The following ITGB3 variants were observed in gnomAD, a reference collection of about 807,000 sequenced individuals.
The protein encoded by ITGB3 is integrin beta-3.
ITGB3 carries 48 observed loss-of-function variants against 85.8 expected under a neutral mutation model. That is an observed-to-expected ratio of 0.56 (90% CI 0.44 to 0.71). The LOEUF (loss-of-function observed/expected upper bound fraction) is 0.71. Ranked by LOEUF, ITGB3 falls within the 30% of genes least tolerant of loss-of-function variation. The probability of loss-of-function intolerance (pLI) is 0.00; values close to 1 mark genes in which losing one functional copy is unlikely to be tolerated. For missense variants in ITGB3, 861 were observed against 1,019.1 expected (o/e 0.84, Z 2.11); for synonymous variants, 363 against 395.6 (o/e 0.92, Z 0.98).
intron 8 of ITGB3, among the ~76,000 whole-genome samples, chr17:47,290,655 G>A (rs1046074819): frequency 2.0e-5 from 3 of 152,170 alleles, no homozygotes; most frequent in South Asian, 2.1e-4. Context: ...TTTCCAAGGT[G>A]ACCAGTATTG....
intron 10 of ITGB3, among the ~76,000 whole-genome samples, chr17:47,296,413 T>C (rs551191874): frequency 3.9e-5 from 6 of 152,144 alleles, no homozygotes; most frequent in East Asian, 1.9e-4. Flanking sequence ...TTTTAAAAAT[T>C]TGTAGAGACG....
chr17:47,299,622 T>A lies in ITGB3; in HGVS notation c.1913+92T>A. The A allele has an allele frequency of 8.3e-7, 1 of 1,204,884 alleles. No individual in the cohort carries two copies. The highest frequency in any genetic ancestry group is 1.2e-6 in the Non-Finnish European group (1 of 831,498). 74.6% of individuals were successfully genotyped at this position (1,204,884 alleles called of 1,614,324 possible). A position where few individuals can be genotyped will look rare whatever the true frequency, so the allele number is the denominator to read the frequency against. ...CCAGCTCTCCAGGTGTGTTTCTTGC[T>A]CACCAGAGCCTTAGGGAGAGGAGTC... On this transcript the variant is annotated intron_variant, in intron 11 of 14. Transcript: ENST00000559488. The surrounding 1 kb of genome is among the most constrained non-coding windows in gnomAD (Gnocchi z 5.1).
rs76206953 is a variant in ITGB3 at position 47,297,245 on chromosome 17, T to G, written c.1691-2063T>G. 6.6e-4 allele frequency among the ~76,000 whole-genome samples: 101 copies of G among 152,304 alleles called. No individual in the cohort carries two copies. The East Asian group carries it at 0.015, about 23-fold the overall frequency. ...ACTTGGGATCTGAAGTCACAGTGAC[T>G]TCAGTTTGAGTCCTGACCCTGCCAT... On this transcript the variant is annotated intron_variant, in intron 10 of 14. Coordinates refer to ENST00000559488, the MANE Select transcript of ITGB3 (RefSeq NM_000212.3).
Position 47,300,457 on chromosome 17 carries a change from ACTGTGTC to A in ITGB3, c.1914-18_1914-12del. On this transcript the variant is annotated splice_polypyrimidine_tract_variant and intron_variant, in intron 11 of 14. Transcript: ENST00000559488. ...GGCTTGCTCCTTCTTTGCCTTAATC[ACTGTGTC>A]CTCTCTCCTTCAGAGAATGTGTGGA... 6.3e-7 allele frequency: 1 copy of A among 1,589,868 alleles called. No individual in the cohort carries two copies. The highest frequency in any genetic ancestry group is 8.6e-7 in the Non-Finnish European group (1 of 1,158,084).
At chr17:47,295,393 G>A (rs1370516287) in intron 10 of ITGB3, among the ~76,000 whole-genome samples, 1 of 151,776 alleles carries the variant, frequency 6.6e-6, no homozygotes, top group African/African-American at 2.4e-5. Context: ...CCCTTTTCTG[G>A]CTCCCCTCCC....
At chr17:47,298,113 C>T (rs118070177) in intron 10 of ITGB3, among the ~76,000 whole-genome samples, 2,761 of 152,074 alleles carry the variant, frequency 0.018, 40 homozygotes, top group Non-Finnish European at 0.028. Flanking sequence ...GCGCCTGTAA[C>T]TTTAAATAAT....
At chr17:47,259,612 T>C (rs1049832452) in intron 1 of ITGB3, among the ~76,000 whole-genome samples, 2 of 152,144 alleles carry the variant, frequency 1.3e-5, no homozygotes, top group African/African-American at 4.8e-5. Context: ...AATATTGTTA[T>C]TTCTTGGCTG....
intron 6 of ITGB3, among the ~76,000 whole-genome samples, chr17:47,288,608 T>C (rs1391704345): frequency 6.6e-6 from 1 of 152,136 alleles, no homozygotes. Flanking sequence ...CTGCAAGGTC[T>C]AGGATCCCAT....
rs116362814 is a variant in ITGB3 at position 47,291,156 on chromosome 17, T to G, written c.1260+68T>G. ...GGCACCCAACCCCCTTTCTTCCTTT[T>G]GTAGTGACTAAAAATGGCCCCCTTC... is the stretch of plus-strand genomic sequence containing the variant. On this transcript the variant is annotated intron_variant, in intron 9 of 14. Transcript: ENST00000559488. 1.7e-3 allele frequency: 2,790 copies of G among 1,597,610 alleles called. 41 individuals are homozygous for G. In the African/African-American group the frequency reaches 0.034, roughly 19 times the overall value.
Position 47,291,046 on chromosome 17 carries a change from C to A in ITGB3, c.1218C>A (p.Ile406=), listed in dbSNP as rs749477357. ...CCACCTGCCTCAACAATGAGGTCAT[C>A]CCTGGCCTCAAGTCTTGTATGGGAC... ...FNATCLNNEV[I]PGLKSCMGLK... is the part of the protein sequence containing the mutation. The change falls in exon 9 of 15, where the codon ATC becomes ATA. Residue 406 remains isoleucine (I), a synonymous_variant. Transcript: ENST00000559488. 1 of 1,614,062 alleles carries A rather than the reference C, an allele frequency of 6.2e-7. No homozygotes were observed. The highest frequency in any genetic ancestry group is 8.5e-7 in the Non-Finnish European group (1 of 1,179,932).
At chr17:47,294,716 C>T (rs1371180374) in intron 10 of ITGB3, among the ~76,000 whole-genome samples, 1 of 152,202 alleles carries the variant, frequency 6.6e-6, no homozygotes, top group African/African-American at 2.4e-5. Context: ...TCTGTGCCAT[C>T]ATTTGGTCCA....
At chr17:47,280,071 CT>C (rs1457276554) in intron 2 of ITGB3, 1 of 152,258 alleles carries the variant, frequency 6.6e-6, no homozygotes, top group Non-Finnish European at 1.5e-5. Flanking sequence ...TGTGATGTCC[CT>C]GTTGGAGTAT....
rs1215695209 is a variant in ITGB3 at position 47,292,332 on chromosome 17, T to A, written c.1454T>A (p.Val485Glu). 3 of 1,614,000 alleles carry A rather than the reference T, an allele frequency of 1.9e-6. No individual in the cohort carries two copies. Among genetic ancestry groups the A allele is most frequent in the Non-Finnish European group, 2.5e-6 (3 of 1,180,020 alleles). ...GGCAATGGGACCTTTGAGTGTGGGG[T>A]ATGCCGTTGTGGGCCTGGCTGGCTG... ...NNGNGTFECG[V>E]CRCGPGWLGS... The change falls in exon 10 of 15, where the codon GTA becomes GAA. Residue 485 changes from valine to glutamate, a missense_variant. Physicochemically the swap from Val to Glu is moderately radical, Grantham distance 121. Coordinates refer to ENST00000559488, the MANE Select transcript of ITGB3 (RefSeq NM_000212.3).
chr17:47,255,792 T>G (rs1475498257), intron 1 of ITGB3, among the ~76,000 whole-genome samples: 9 of 152,186 alleles, frequency 5.9e-5, no homozygotes, highest in Non-Finnish European at 1.2e-4. Context: ...GCATTTCCTA[T>G]GTGACTGGGA....
chr17:47,272,448 G>A (rs1291464742), intron 1 of ITGB3, among the ~76,000 whole-genome samples: 5 of 152,046 alleles, frequency 3.3e-5, no homozygotes, highest in Non-Finnish European at 5.9e-5. Flanking sequence ...CAGGGTTGGA[G>A]TGTAATGGTG....
At position 47,266,685 on chromosome 17, in the gene ITGB3, T is replaced by C. The variant is rs186345381; in HGVS notation, c.80-7734T>C. Among the ~76,000 whole-genome samples, 1,122 of 152,232 alleles carry C rather than the reference T, an allele frequency of 7.4e-3. 17 individuals are homozygous for C. The highest frequency in any genetic ancestry group is 0.026 in the African/African-American group (1,085 of 41,534). On this transcript the variant is annotated intron_variant, in intron 1 of 14. Transcript: ENST00000559488. Reference sequence around the variant, plus strand: ...CTCAACCTCCCAGGTCCAGCTGATTTTCCTGCCTCAGCCTCCTGAGTAGCT... The same window carrying C: ...CTCAACCTCCCAGGTCCAGCTGATTCTCCTGCCTCAGCCTCCTGAGTAGCT...
chr17:47,306,219 C>A (rs1293893247), intron 13 of ITGB3, among the ~76,000 whole-genome samples: 2 of 152,214 alleles, frequency 1.3e-5, no homozygotes, highest in African/African-American at 4.8e-5. Context: ...AGCTCCTCCT[C>A]AGCTCTAGCT....
chr17:47,284,399 T>G, intron 3 of ITGB3, 44 bp from the exon 4 acceptor site: 2 of 1,612,500 alleles, frequency 1.2e-6, no homozygotes. Flanking sequence ...TATTCAATCT[T>G]GGTGGGAGAA....
At chr17:47,263,475 G>GC (rs113192717) in intron 1 of ITGB3, among the ~76,000 whole-genome samples, 245 of 85,440 alleles carry the variant, frequency 2.9e-3, no homozygotes, top group African/African-American at 5.8e-3. Flanking sequence ...GCTATTCCCC[G>GC]CCCCCCCCAC....
Sources: allele counts gnomAD v4.1 joint callset (sites outside exome capture counted in the v4.1 genomes callset), GRCh38; gene constraint gnomAD v4.1.1; non-coding constraint Gnocchi (gnomAD v3.1); transcripts MANE v1.5; gene names NCBI Gene and HGNC (gene_info 2026-07-23, HGNC 2026-07-21).